Variants in SCLY observed in about 807,000 individuals in gnomAD.
The protein encoded by SCLY is putative selenocysteine lyase.
Under a neutral mutation model 50.1 loss-of-function variants are expected in SCLY, and 38 were observed. That is an observed-to-expected ratio of 0.76 (90% CI 0.59 to 0.99). The LOEUF (loss-of-function observed/expected upper bound fraction) is 0.99. Among genes scored for constraint, SCLY ranks in the 50% least tolerant of loss-of-function variants. The pLI, the probability that SCLY is intolerant of heterozygous loss-of-function variation, is 0.00. For missense variants in SCLY, 600 were observed against 620.0 expected, an observed-to-expected ratio of 0.97 and a Z score of 0.34; for synonymous variants, 243 against 249.4, an observed-to-expected ratio of 0.97 and a Z score of 0.24.
At chr2:238,062,307 G>A (rs1361873900) in intron 1 of SCLY, among the ~76,000 whole-genome samples, 2 of 152,144 alleles carry the variant, frequency 1.3e-5, no homozygotes, top group African/African-American at 4.8e-5. Flanking sequence ...CACATGCAAA[G>A]TCAAGCCGGG....
In SCLY at chr2:238,061,002, C is replaced by A. The variant is rs1483945537; in HGVS notation, c.-53C>A. The A allele has an allele frequency of 6.2e-6, 8 of 1,296,830 alleles. No homozygotes were observed. The highest frequency in any genetic ancestry group is 1.6e-5 in the African/African-American group (1 of 63,742). 80.3% of individuals were successfully genotyped at this position (1,296,830 alleles called of 1,614,324 possible). A position where few individuals can be genotyped will look rare whatever the true frequency, so the allele number is the denominator to read the frequency against. ...CCCGCCTCCTCCCCGGCGCTCTGGG[C>A]CCGTAGCGCTCCGCGGGAAGGAGGC... On this transcript the variant is annotated 5_prime_UTR_variant, in exon 1 of 12. Coordinates refer to ENST00000254663, the MANE Select transcript of SCLY (RefSeq NM_016510.7).
chr2:238,081,691 C>T lies in SCLY; in HGVS notation c.485-18C>T, dbSNP rs2065238849. On this transcript the variant is annotated intron_variant, in intron 4 of 11. Transcript: ENST00000254663. ...TCAATTTGTGCAGCTCAGTTCGGTA[C>T]TCATGTTTGTTTCCCAGCGGTCACC... is the stretch of plus-strand genomic sequence containing the variant. 2 of 1,610,998 alleles carry T rather than the reference C, an allele frequency of 1.2e-6. No individual in the cohort carries two copies. Among genetic ancestry groups the T allele is most frequent in the Non-Finnish European group, 1.7e-6 (2 of 1,177,506 alleles).
In SCLY at chr2:238,083,471, C is replaced by T; in HGVS notation, c.884+117C>T. 1.3e-6 allele frequency: 1 copy of T among 744,920 alleles called. No individual in the cohort carries two copies. The highest frequency in any genetic ancestry group is 2.4e-6 in the Non-Finnish European group (1 of 420,356). 46.1% of individuals were successfully genotyped at this position (744,920 alleles called of 1,614,324 possible). ...TCTCGTGGAGGCTCTGTAGCATGTCCACACTGCTGCTGTGTCAGAACTGGC... is the reference window on the plus strand; with the variant it reads ...TCTCGTGGAGGCTCTGTAGCATGTCTACACTGCTGCTGTGTCAGAACTGGC... On this transcript the variant is annotated intron_variant, in intron 7 of 11. Transcript: ENST00000254663. This position sits in a 1 kb window ranked among gnomAD's most constrained non-coding sequence, Gnocchi z 4.3.
At position 238,093,936 on chromosome 2, in the gene SCLY, A is replaced by G; in HGVS notation, c.997A>G (p.Arg333Gly). The G allele has an allele frequency of 6.2e-7, 1 of 1,613,410 alleles. No individual in the cohort carries two copies. The highest frequency in any genetic ancestry group is 8.5e-7 in the Non-Finnish European group (1 of 1,179,826). ...GGACGTCCGCGACTACCTGGAAGAG[A>G]GGCTGGAAGTGAGCGCAGCGTGGGG... is the stretch of plus-strand genomic sequence containing the variant. ...MRDVRDYLEE[R>G]LEAEFGQKRI... The change falls in exon 9 of 12, where the codon AGG becomes GGG. Residue 333 changes from arginine (R) to glycine (G), a missense_variant. Arg to Gly is a moderately radical substitution (Grantham distance 125). Coordinates refer to ENST00000254663, the MANE Select transcript of SCLY (RefSeq NM_016510.7).
intron 1 of SCLY, 41 bp downstream of exon 1, chr2:238,061,184 T>A: frequency 4.3e-6 from 6 of 1,389,298 alleles, no homozygotes; most frequent in Non-Finnish European, 5.9e-6. Context: ...GGCCGGCGCC[T>A]GTCGCCGATT....
intron 7 of SCLY, among the ~76,000 whole-genome samples, chr2:238,088,358 A>G (rs2065323254): frequency 6.6e-6 from 1 of 152,226 alleles, no homozygotes; most frequent in South Asian, 2.1e-4. Flanking sequence ...GCTACTTGGA[A>G]GGCTGAGGCA....
In SCLY at chr2:238,098,732, C is replaced by T. The variant is rs556580786; in HGVS notation, c.*377C>T. 3.3e-6 allele frequency: 1 copy of T among 307,418 alleles called. No homozygotes were observed. Among genetic ancestry groups the T allele is most frequent in the East Asian group, 4.6e-5 (1 of 21,862 alleles). The allele number at this position is 307,418 out of a possible 1,614,324, so 19.0% of individuals were successfully genotyped here. On this transcript the variant is annotated 3_prime_UTR_variant, in exon 12 of 12. Coordinates refer to ENST00000254663, the MANE Select transcript of SCLY (RefSeq NM_016510.7). ...CCTCCCCACTGGGAACTGGGCACGC[C>T]TGTTGTGAGTGCCCTTTCCTGGAAG...
chr2:238,071,778 CA>C (rs1444471980), intron 4 of SCLY, among the ~76,000 whole-genome samples: 1 of 152,202 alleles, frequency 6.6e-6, no homozygotes, highest in Non-Finnish European at 1.5e-5. Context: ...TTTATCAACA[CA>C]AGCATCCTCA....
Position 238,081,767 on chromosome 2 carries a change from C to A in SCLY, c.543C>A (p.Leu181=). The change falls in exon 5 of 12, where the codon CTC becomes CTA. Residue 181 remains leucine, a synonymous_variant. Transcript: ENST00000254663. ...VSGQAEVDDI[L]AAVRPTTRLV... is the part of the protein sequence containing the mutation. ...GGCAGGCAGAGGTGGACGACATCCT[C>A]GCGGCAGTCCGCCCGACCACACGCC... The A allele has an allele frequency of 6.2e-7, 1 of 1,614,182 alleles. No homozygotes were observed. Among genetic ancestry groups the A allele is most frequent in the East Asian group, 2.2e-5 (1 of 44,882 alleles).
intron 4 of SCLY, among the ~76,000 whole-genome samples, chr2:238,072,816 C>G (rs534184679): frequency 6.6e-6 from 1 of 152,286 alleles, no homozygotes; most frequent in South Asian, 2.1e-4. Flanking sequence ...AATATTTTCT[C>G]TCATTCTGTG....
chr2:238,091,529 AG>A, intron 8 of SCLY: 6 of 414,916 alleles, frequency 1.4e-5, no homozygotes, highest in South Asian at 6.0e-5. Context: ...GCAGAGGTGA[AG>A]TGTCAAGCTG....
rs144305654 is a variant in SCLY at position 238,090,967 on chromosome 2, A to G, written c.885-251A>G. Among the ~76,000 whole-genome samples the G allele has an allele frequency of 8.6e-5, 10 of 116,670 alleles. No individual in the cohort carries two copies. The East Asian group carries it at 1.6e-3, about 19-fold the overall frequency. 76.5% of individuals were successfully genotyped at this position (116,670 alleles called of 152,430 possible). ...CTTTGGGTAGGAAAAGGGTCCAGAT[A>G]GAACTGTCACAGTGAACACCCAACA... On this transcript the variant is annotated intron_variant, in intron 7 of 11. Transcript: ENST00000254663.
At chr2:238,091,120 C>T (rs949310125) in intron 7 of SCLY, 98 bp from the exon 8 acceptor site, 15 of 1,119,986 alleles carry the variant, frequency 1.3e-5, no homozygotes, top group Admixed American at 3.4e-5. Flanking sequence ...AAAGATGTAG[C>T]GTGAGTTTGA....
At chr2:238,087,145 T>G (rs1576674278) in intron 7 of SCLY, among the ~76,000 whole-genome samples, 1 of 145,068 alleles carries the variant, frequency 6.9e-6, no homozygotes, top group Non-Finnish European at 1.5e-5. Context: ...AGCAACATGG[T>G]GAAATCCTGT....
intron 1 of SCLY, 69 bp from the exon 2 acceptor site, chr2:238,064,288 C>A: frequency 1.0e-6 from 1 of 986,242 alleles, no homozygotes; most frequent in Non-Finnish European, 1.5e-6. Context: ...GGGATAGACA[C>A]AGAGCAGCCA....
chr2:238,070,846 C>A (rs1308164439), intron 4 of SCLY, among the ~76,000 whole-genome samples: 2 of 115,518 alleles, frequency 1.7e-5, no homozygotes, highest in African/African-American at 3.3e-5. Flanking sequence ...TTTTTTTTTT[C>A]TTTGAGATGG....
chr2:238,087,212 C>T (rs2065308004), intron 7 of SCLY, among the ~76,000 whole-genome samples: 1 of 151,124 alleles, frequency 6.6e-6, no homozygotes, highest in Admixed American at 6.6e-5. Flanking sequence ...GTAGTCTCAG[C>T]TATGTGGGAG....
chr2:238,098,256 G>A lies in SCLY; in HGVS notation c.1239G>A (p.Ala413=), dbSNP rs955816007. 3.1e-6 allele frequency: 5 copies of A among 1,610,580 alleles called. No homozygotes were observed. In the South Asian group the frequency reaches 5.5e-5, roughly 18 times the overall value. The change falls in exon 12 of 12, where the codon GCG becomes GCA. Residue 413 remains alanine (A), a synonymous_variant. Coordinates refer to ENST00000254663, the MANE Select transcript of SCLY (RefSeq NM_016510.7). ...YGVPFDVARN[A]LRLSVGRSTT... is the part of the protein sequence containing the mutation. ...TCCCCTTCGACGTGGCCAGGAACGC[G>A]CTCCGGCTCAGCGTGGGCCGCAGCA...
intron 4 of SCLY, among the ~76,000 whole-genome samples, chr2:238,072,898 G>A (rs2065140664): frequency 6.6e-6 from 1 of 152,118 alleles, no homozygotes; most frequent in African/African-American, 2.4e-5. Context: ...TATTTTTGTT[G>A]TTGTTGTTGT....
Sources: gnomAD v4.1 joint callset for allele counts (sites outside exome capture counted in the v4.1 genomes callset) on GRCh38, gnomAD v4.1.1 for gene constraint, Gnocchi (gnomAD v3.1) non-coding constraint, MANE v1.5 for transcripts, NCBI Gene and HGNC (gene_info 2026-07-23, HGNC 2026-07-21) for gene names.